The following CPM variants were observed in gnomAD, a reference collection of about 807,000 sequenced individuals.
The protein encoded by CPM is renal carboxypeptidase.
In CPM, 35 loss-of-function variants were observed where a neutral mutation model predicts 46.4. The observed-to-expected ratio is 0.75, with a 90% CI of 0.58 to 1.00. The LOEUF (loss-of-function observed/expected upper bound fraction) is 1.00. CPM is among the 50% of genes least tolerant of loss of function. The pLI is 0.00. For synonymous variants in CPM, 195 were observed against 195.3 expected (o/e 1.00, Z 0.01); for missense variants, 422 against 530.4 (o/e 0.80, Z 2.01).
chr12:68,866,316 G>A (rs191983663), intron 7 of CPM, among the ~76,000 whole-genome samples: 210 of 151,736 alleles, frequency 1.4e-3, no homozygotes, highest in Middle Eastern at 3.4e-3. Flanking sequence ...AAATTAGGGG[G>A]ACTCTGGATG....
chr12:68,858,552 AGT>A (rs1039465637), intron 8 of CPM, among the ~76,000 whole-genome samples: 1 of 152,198 alleles, frequency 6.6e-6, no homozygotes, highest in African/African-American at 2.4e-5. Context: ...TATAGTAGAA[AGT>A]GTATGCCGTG....
At chr12:68,848,178 T>C (rs1454669089), downstream of CPM, 1 of 152,032 alleles carries the variant, frequency 6.6e-6, no homozygotes, top group East Asian at 1.9e-4. Flanking sequence ...TCTCACTGAT[T>C]GTGATTTTTT....
intron 1 of CPM, among the ~76,000 whole-genome samples, chr12:68,951,684 C>T (rs1232356084): frequency 6.6e-6 from 1 of 151,978 alleles, no homozygotes; most frequent in African/African-American, 2.4e-5. Flanking sequence ...GCGAGTGGGT[C>T]GTATGTCCAG....
intron 2 of CPM, chr12:68,913,841 A>G (rs1206821448): frequency 1.5e-6 from 1 of 649,564 alleles, no homozygotes; most frequent in Non-Finnish European, 2.9e-6. Context: ...GATGGTAACA[A>G]CTCCCATGAG....
Position 68,856,474 on chromosome 12 carries a change from A to C in CPM, c.1295T>G (p.Leu432Ter). The change falls in exon 9 of 9, where the codon TTA becomes TGA. Residue 432 changes from leucine to a stop codon, truncating the protein, a stop_gained. Coordinates refer to ENST00000551568, the MANE Select transcript of CPM (RefSeq NM_198320.5). LOFTEE classifies it high-confidence loss of function. ...TATGTGCAAAAGACTCACTAAAAAT[A>C]AGAACAAACTAGGCTTTGTTGCAGC... ...HSAATKPSLF[L>*]FLVSLLHIFF... The C allele has an allele frequency of 6.2e-7, 1 of 1,614,142 alleles. No homozygotes were observed. The highest frequency in any genetic ancestry group is 1.3e-5 in the African/African-American group (1 of 75,058).
At chr12:68,886,826 G>C (rs1886453004) in intron 2 of CPM, among the ~76,000 whole-genome samples, 1 of 152,156 alleles carries the variant, frequency 6.6e-6, no homozygotes, top group South Asian at 2.1e-4. Flanking sequence ...TCTTAGCTCT[G>C]TGTGATCTGG....
intron 3 of CPM, among the ~76,000 whole-genome samples, chr12:68,883,972 T>C (rs1283823682): frequency 4.0e-5 from 6 of 148,594 alleles, no homozygotes; most frequent in Non-Finnish European, 3.0e-5. Flanking sequence ...TAGCTGGGCA[T>C]AGTGGTGCAT....
At chr12:68,890,471 G>A (rs1471433561) in intron 2 of CPM, among the ~76,000 whole-genome samples, 1 of 152,152 alleles carries the variant, frequency 6.6e-6, no homozygotes, top group African/African-American at 2.4e-5. Flanking sequence ...CCTGTGAGGT[G>A]TGTGATAGCC....
intron 1 of CPM, among the ~76,000 whole-genome samples, chr12:68,938,485 G>A (rs1888707668): frequency 6.6e-6 from 1 of 151,936 alleles, no homozygotes; most frequent in African/African-American, 2.4e-5. Flanking sequence ...TGGCACATTT[G>A]TTTCTGGTAT....
At chr12:68,886,039 C>T in intron 2 of CPM, 150 bp from the exon 3 acceptor site, 1 of 615,472 alleles carries the variant, frequency 1.6e-6, no homozygotes, top group Non-Finnish European at 2.9e-6. Context: ...CATCTCCATG[C>T]TTAAAACACT....
intron 2 of CPM, among the ~76,000 whole-genome samples, chr12:68,911,518 T>C (rs1006973484): frequency 2.7e-5 from 4 of 147,812 alleles, no homozygotes; most frequent in Non-Finnish European, 6.0e-5. Flanking sequence ...TGTAGATTCA[T>C]TGAGATACAG....
chr12:68,923,577 C>T (rs924161478), intron 2 of CPM, among the ~76,000 whole-genome samples: 6 of 152,108 alleles, frequency 3.9e-5, no homozygotes, highest in South Asian at 4.1e-4. Flanking sequence ...TGCTGGCATA[C>T]AATTCTAACA....
At chr12:68,925,037 G>C (rs1888202004) in intron 2 of CPM, among the ~76,000 whole-genome samples, 1 of 152,036 alleles carries the variant, frequency 6.6e-6, no homozygotes, top group South Asian at 2.1e-4. Flanking sequence ...TTAGGGAAAG[G>C]GGCAAGAGAA....
At position 68,897,594 on chromosome 12, in the gene CPM, G is replaced by A. The variant is rs1028001548; in HGVS notation, c.161-11705C>T. Among the ~76,000 whole-genome samples, 5 of 151,962 alleles carry A rather than the reference G, an allele frequency of 3.3e-5. No individual in the cohort carries two copies. The South Asian group carries it at 6.2e-4, about 19-fold the overall frequency. ...CTACTAAAGTTACAAAAAATTAGCC[G>A]GGCGTGGTGGTGTGTGCCTGTAATC... is the stretch of plus-strand genomic sequence containing the variant. On this transcript the variant is annotated intron_variant, in intron 2 of 8. Transcript: ENST00000551568.
intron 7 of CPM, among the ~76,000 whole-genome samples, chr12:68,859,437 G>A (rs900078596): frequency 9.2e-5 from 14 of 152,050 alleles, no homozygotes; most frequent in Admixed American, 2.6e-4. Flanking sequence ...AAATAAAAAC[G>A]GTGTCAATGT....
chr12:68,891,123 T>C (rs1453281217), intron 2 of CPM, among the ~76,000 whole-genome samples: 1 of 152,262 alleles, frequency 6.6e-6, no homozygotes, highest in East Asian at 1.9e-4. Flanking sequence ...GGCTGCACTG[T>C]AGTGTGAGTT....
chr12:68,919,477 G>A (rs929418787), intron 2 of CPM, among the ~76,000 whole-genome samples: 1 of 152,140 alleles, frequency 6.6e-6, no homozygotes, highest in Non-Finnish European at 1.5e-5. Flanking sequence ...ACACAGACTG[G>A]GATTTACTTC....
intron 2 of CPM, among the ~76,000 whole-genome samples, chr12:68,920,463 G>A (rs1317042728): frequency 1.3e-5 from 2 of 152,192 alleles, no homozygotes; most frequent in South Asian, 4.1e-4. Flanking sequence ...ATGGACAAGG[G>A]AATAAATATT....
chr12:68,869,888 A>C lies in CPM; in HGVS notation c.616+327T>G, dbSNP rs989291419. 7.3e-5 allele frequency among the ~76,000 whole-genome samples: 8 copies of C among 109,916 alleles called. No individual in the cohort carries two copies. The East Asian group carries it at 2.2e-3, about 30-fold the overall frequency. The allele number at this position is 109,916 out of a possible 152,430, so 72.1% of individuals were successfully genotyped here. A position where few individuals can be genotyped will look rare whatever the true frequency, so the allele number is the denominator to read the frequency against. ...TGTTCATATATGATTAGCAAAAAAA[A>C]AAGTGAGTTGTTCCAGTTTTATGTT... On this transcript the variant is annotated intron_variant, in intron 5 of 8. Transcript: ENST00000551568.
Sources: allele counts gnomAD v4.1 joint callset (sites outside exome capture counted in the v4.1 genomes callset), GRCh38; gene constraint gnomAD v4.1.1; transcripts MANE v1.5; gene names NCBI Gene and HGNC (gene_info 2026-07-23, HGNC 2026-07-21).